IQSEC1: variants seen among roughly 807,000 people sequenced by gnomAD.
The protein encoded by IQSEC1 is IQ motif and Sec7 domain ArfGEF 1, also known as IQ motif and SEC7 domain-containing protein 1.
Under a neutral mutation model 91.0 loss-of-function variants are expected in IQSEC1, and 31 were observed. The observed-to-expected ratio is 0.34, with a 90% confidence interval of 0.26 to 0.46. IQSEC1 has a LOEUF of 0.46. IQSEC1 is among the 20% of genes least tolerant of loss of function. The pLI is 1.00. For synonymous variants in IQSEC1, 699 were observed against 662.6 expected, an observed-to-expected ratio of 1.05 and a Z score of -0.84; for missense variants, 1,388 against 1,575.6, an observed-to-expected ratio of 0.88 and a Z score of 2.02.
intron 1 of IQSEC1, among the ~76,000 whole-genome samples, chr3:13,016,806 GATTTT>G (rs1438649181): frequency 6.6e-6 from 1 of 152,170 alleles, no homozygotes; most frequent in African/African-American, 2.4e-5. Context: ...ATAGTTCAAT[GATTTT>G]ATTAATAGTA....
chr3:13,239,779 CAGA>C (rs1353885182), intron 1 of IQSEC1, among the ~76,000 whole-genome samples: 1 of 152,230 alleles, frequency 6.6e-6, no homozygotes, highest in East Asian at 1.9e-4. Flanking sequence ...AAGCCGGACA[CAGA>C]AGGACGAAGC....
intron 1 of IQSEC1, among the ~76,000 whole-genome samples, chr3:13,242,508 G>C (rs1223922330): frequency 6.6e-6 from 1 of 152,190 alleles, no homozygotes; most frequent in Non-Finnish European, 1.5e-5. Flanking sequence ...TCCATTAGCG[G>C]CACCCATGCA....
intron 1 of IQSEC1, among the ~76,000 whole-genome samples, chr3:12,955,393 A>G (rs1425729768): frequency 6.6e-6 from 1 of 152,202 alleles, no homozygotes; most frequent in Non-Finnish European, 1.5e-5. Context: ...CTGGCTCCGC[A>G]GGCTGGCAAC....
At chr3:13,029,380 T>C (rs751181657) in intron 1 of IQSEC1, among the ~76,000 whole-genome samples, 13 of 152,174 alleles carry the variant, frequency 8.5e-5, no homozygotes, top group Admixed American at 2.0e-4. Context: ...AGATAGAACA[T>C]GGCAGGGTGG....
chr3:12,899,258 C>A lies in IQSEC1; in HGVS notation c.*1725G>T. The A allele has an allele frequency of 3.0e-6, 3 of 1,011,194 alleles. No homozygotes were observed. The highest frequency in any genetic ancestry group is 4.4e-6 in the Non-Finnish European group (3 of 688,070). The allele number at this position is 1,011,194 out of a possible 1,614,324, so 62.6% of individuals were successfully genotyped here. ...GGGGGCTCCCCTCTCCTCCTGCCGT[C>A]CGGCCACGGCTCACCACGCTGTCCA... is the stretch of plus-strand genomic sequence containing the variant. On this transcript the variant is annotated 3_prime_UTR_variant, in exon 14 of 14. Coordinates refer to ENST00000613206, the MANE Select transcript of IQSEC1 (RefSeq NM_001134382.3).
At chr3:13,105,732 C>T (rs1357215671) in intron 2 of IQSEC1, among the ~76,000 whole-genome samples, 1 of 152,054 alleles carries the variant, frequency 6.6e-6, no homozygotes, top group East Asian at 1.9e-4. Context: ...TCCCAGCCTC[C>T]CTCCTCGTGA....
intron 1 of IQSEC1, among the ~76,000 whole-genome samples, chr3:13,245,683 C>T (rs1480537940): frequency 2.6e-5 from 4 of 151,406 alleles, no homozygotes; most frequent in African/African-American, 7.3e-5. Context: ...ACGAGAATCG[C>T]TTGAACCCAG....
At position 12,909,453 on chromosome 3, in the gene IQSEC1, G is replaced by T; in HGVS notation, c.2417-19C>A. The T allele has an allele frequency of 1.9e-6, 3 of 1,610,292 alleles. No individual in the cohort carries two copies. The highest frequency in any genetic ancestry group is 2.7e-5 in the African/African-American group (2 of 74,980). On this transcript the variant is annotated intron_variant, in intron 10 of 13. Coordinates refer to ENST00000613206, the MANE Select transcript of IQSEC1 (RefSeq NM_001134382.3). The surrounding 1 kb of genome is among the most constrained non-coding windows in gnomAD (Gnocchi z 4.9). ...GGGTAGTCTGCAAAAGGGAAGGAGA[G>T]GGGAGGAGGCCCACGGGTCTCAGTG...
chr3:12,905,512 G>C (rs1287592707), intron 12 of IQSEC1, among the ~76,000 whole-genome samples: 1 of 152,272 alleles, frequency 6.6e-6, no homozygotes, highest in African/African-American at 2.4e-5. Flanking sequence ...CTGGGGAAAC[G>C]GGCCCACAGG....
chr3:13,010,708 C>T lies in IQSEC1; in HGVS notation c.23+62284G>A, dbSNP rs555826768. ...GGGGTGCCTCTTTTTTTTAATCAACCAAACAAATACTGGTTAATAAAACTC... is the reference window on the plus strand; with the variant it reads ...GGGGTGCCTCTTTTTTTTAATCAACTAAACAAATACTGGTTAATAAAACTC... On this transcript the variant is annotated intron_variant, in intron 1 of 13. Coordinates refer to ENST00000613206, the MANE Select transcript of IQSEC1 (RefSeq NM_001134382.3). Among the ~76,000 whole-genome samples, 441 of 152,216 alleles carry T rather than the reference C, an allele frequency of 2.9e-3. 2 individuals are homozygous for T. The highest frequency in any genetic ancestry group is 0.01 in the African/African-American group (419 of 41,508).
At chr3:12,990,791 G>A (rs953890579) in intron 1 of IQSEC1, among the ~76,000 whole-genome samples, 4 of 152,182 alleles carry the variant, frequency 2.6e-5, no homozygotes, top group East Asian at 1.9e-4. Context: ...GATTGACACT[G>A]TTTTAATATT....
intron 1 of IQSEC1, among the ~76,000 whole-genome samples, chr3:12,951,206 T>C (rs1420662981): frequency 6.6e-6 from 1 of 152,240 alleles, no homozygotes; most frequent in African/African-American, 2.4e-5. Context: ...ATGGATCACC[T>C]GAGCCCAGGT....
intron 1 of IQSEC1, among the ~76,000 whole-genome samples, chr3:13,265,725 G>A (rs552933824): frequency 1.2e-3 from 182 of 152,016 alleles, no homozygotes; most frequent in Non-Finnish European, 2.2e-3. Flanking sequence ...CCAACAGAAC[G>A]CAGAGCAAGG....
chr3:13,017,726 G>A (rs183851529), intron 1 of IQSEC1, among the ~76,000 whole-genome samples: 1 of 152,278 alleles, frequency 6.6e-6, no homozygotes, highest in East Asian at 1.9e-4. Context: ...GTCACTAGCA[G>A]AGATGGGAAC....
chr3:13,147,643 T>C (rs569371252), intron 2 of IQSEC1, among the ~76,000 whole-genome samples: 1 of 152,328 alleles, frequency 6.6e-6, no homozygotes, highest in South Asian at 2.1e-4. Flanking sequence ...TGCCGGTGTC[T>C]TATTTTTGAG....
chr3:13,101,418 C>CAAAAAAAAAAAAAAAAAAAAAAA (rs1706061076), intron 2 of IQSEC1, among the ~76,000 whole-genome samples: 1 of 104,022 alleles, frequency 9.6e-6, no homozygotes, highest in African/African-American at 4.2e-5. Context: ...GATTCCATCT[C>CAAAAAAAAAAAAAAAAAAAAAAA]CAAAAAAAAA....
At chr3:13,166,894 A>G (rs1004306153) in intron 1 of IQSEC1, among the ~76,000 whole-genome samples, 3 of 152,254 alleles carry the variant, frequency 2.0e-5, no homozygotes, top group East Asian at 3.8e-4. Context: ...AGGATGGCAC[A>G]TGCAGAGGAT....
At chr3:13,146,385 T>C (rs1706898685) in intron 2 of IQSEC1, among the ~76,000 whole-genome samples, 1 of 152,218 alleles carries the variant, frequency 6.6e-6, no homozygotes, top group African/African-American at 2.4e-5. Context: ...TTCTGGTGCC[T>C]CCGCACCCTT....
At chr3:13,091,405 G>A (rs1436556415) in intron 2 of IQSEC1, among the ~76,000 whole-genome samples, 1 of 152,262 alleles carries the variant, frequency 6.6e-6, no homozygotes, top group African/African-American at 2.4e-5. Context: ...AATGAATGAG[G>A]GAGTTTGTTT....
Sources: allele counts gnomAD v4.1 joint callset (sites outside exome capture counted in the v4.1 genomes callset), GRCh38; gene constraint gnomAD v4.1.1; non-coding constraint Gnocchi (gnomAD v3.1); transcripts MANE v1.5; gene names NCBI Gene and HGNC (gene_info 2026-07-23, HGNC 2026-07-21).